The following RHOBTB1 variants were observed in gnomAD, a reference collection of about 807,000 sequenced individuals.
RHOBTB1 encodes the protein Rho related BTB domain containing 1.
In RHOBTB1, 40 loss-of-function variants were observed where a neutral mutation model predicts 71.6. The ratio of observed to expected loss-of-function variants is 0.56; its 90% confidence interval spans 0.43 to 0.73. The LOEUF (loss-of-function observed/expected upper bound fraction) is 0.73, where lower values mean the gene tolerates loss of function less well. RHOBTB1 is among the 30% of genes least tolerant of loss of function. RHOBTB1 has a pLI of 0.00. For synonymous variants in RHOBTB1, 319 were observed against 334.9 expected (o/e 0.95, Z 0.52); for missense variants, 797 against 894.0 (o/e 0.89, Z 1.38).
intron 2 of RHOBTB1, among the ~76,000 whole-genome samples, chr10:60,968,369 A>G (rs1357114433): frequency 6.6e-6 from 1 of 152,158 alleles, no homozygotes; most frequent in African/African-American, 2.4e-5. Context: ...TTCCAGACAT[A>G]TGTAATTCCT....
At position 60,888,564 on chromosome 10, in the gene RHOBTB1, T is replaced by C; in HGVS notation, c.1104A>G (p.Thr368=). The C allele has an allele frequency of 2.5e-6, 4 of 1,614,204 alleles. No homozygotes were observed. Among genetic ancestry groups the C allele is most frequent in the Non-Finnish European group, 3.4e-6 (4 of 1,180,036 alleles). ...GLEAEGAVPE[T]QTLTGWSKGF... Reference sequence around the variant, plus strand: ...CCTTACTCCATCCGGTCAAAGTCTGTGTCTCAGGAACTGCACCCTCGGCTT... The same window carrying C: ...CCTTACTCCATCCGGTCAAAGTCTGCGTCTCAGGAACTGCACCCTCGGCTT... The change falls in exon 6 of 11, where the codon ACA becomes ACG. Residue 368 remains threonine, a synonymous_variant. Coordinates refer to ENST00000337910, the MANE Select transcript of RHOBTB1 (RefSeq NM_014836.5).
chr10:60,922,220 C>T (rs945444531), intron 2 of RHOBTB1, among the ~76,000 whole-genome samples: 1 of 152,136 alleles, frequency 6.6e-6, no homozygotes, highest in Admixed American at 6.5e-5. Context: ...GGGAGGCACA[C>T]GTACCCATTA....
At chr10:60,903,234 T>G (rs2082494950) in intron 4 of RHOBTB1, among the ~76,000 whole-genome samples, 1 of 152,136 alleles carries the variant, frequency 6.6e-6, no homozygotes, top group South Asian at 2.1e-4. Context: ...ACATAATGCA[T>G]GTTTGTGGGC....
At chr10:60,968,170 A>T (rs1278320243) in intron 2 of RHOBTB1, among the ~76,000 whole-genome samples, 1 of 152,112 alleles carries the variant, frequency 6.6e-6, no homozygotes, top group Non-Finnish European at 1.5e-5. Context: ...CTGCACCTCT[A>T]CAGGAAAACT....
intron 1 of RHOBTB1, among the ~76,000 whole-genome samples, chr10:60,996,552 C>T (rs1294911816): frequency 3.3e-5 from 5 of 152,078 alleles, no homozygotes; most frequent in Non-Finnish European, 7.4e-5. Context: ...CTGATGTCCC[C>T]GAGAGCTTCG....
chr10:60,965,358 C>G (rs1002640752), intron 2 of RHOBTB1, among the ~76,000 whole-genome samples: 3 of 151,784 alleles, frequency 2.0e-5, no homozygotes, highest in Non-Finnish European at 2.9e-5. Context: ...TCATAATAGT[C>G]CTTTAAGTGG....
chr10:60,880,525 G>C (rs551095373), intron 7 of RHOBTB1, among the ~76,000 whole-genome samples: 8 of 152,050 alleles, frequency 5.3e-5, no homozygotes, highest in African/African-American at 1.4e-4. Flanking sequence ...TTTCAGACAT[G>C]GTTGGTGAAA....
intron 2 of RHOBTB1, among the ~76,000 whole-genome samples, chr10:60,935,751 C>G (rs1456101086): frequency 6.6e-6 from 1 of 152,124 alleles, no homozygotes; most frequent in East Asian, 1.9e-4. Context: ...ATAATAAGTA[C>G]TCAAAATGCA....
chr10:60,975,710 G>A (rs1357770701), intron 2 of RHOBTB1, among the ~76,000 whole-genome samples: 2 of 151,982 alleles, frequency 1.3e-5, no homozygotes, highest in Non-Finnish European at 2.9e-5. Flanking sequence ...GGAACAAAAT[G>A]GTTTTTCAGT....
chr10:60,988,876 C>T (rs1322417720), intron 1 of RHOBTB1, among the ~76,000 whole-genome samples: 1 of 152,088 alleles, frequency 6.6e-6, no homozygotes, highest in Non-Finnish European at 1.5e-5. Context: ...TTAATTGTAC[C>T]CTTCCTATGA....
chr10:60,897,482 T>C (rs2082214659), intron 4 of RHOBTB1, among the ~76,000 whole-genome samples: 1 of 152,224 alleles, frequency 6.6e-6, no homozygotes, highest in African/African-American at 2.4e-5. Context: ...TGGGTTTTCT[T>C]ACCTGGTTAA....
chr10:60,876,659 T>G (rs1005548352), intron 8 of RHOBTB1, among the ~76,000 whole-genome samples: 1 of 152,162 alleles, frequency 6.6e-6, no homozygotes, highest in Admixed American at 6.5e-5. Flanking sequence ...AGTGAGTATT[T>G]TAAAAAACTA....
intron 2 of RHOBTB1, 118 bp downstream of exon 2, chr10:60,941,686 G>T (rs549142762): frequency 1.3e-5 from 2 of 152,200 alleles, no homozygotes; most frequent in East Asian, 3.9e-4. Context: ...CCATAAAAAA[G>T]TCAAAGACAA....
At chr10:60,920,137 C>A (rs1050838431) in intron 2 of RHOBTB1, among the ~76,000 whole-genome samples, 2 of 150,708 alleles carry the variant, frequency 1.3e-5, no homozygotes, top group African/African-American at 5.0e-5. Context: ...CCTTAACTCA[C>A]CTGCTGAAAT....
At chr10:60,909,255 C>T (rs1046212430) in intron 4 of RHOBTB1, among the ~76,000 whole-genome samples, 4 of 152,194 alleles carry the variant, frequency 2.6e-5, no homozygotes, top group African/African-American at 7.2e-5. Context: ...ACCAGCTTTA[C>T]GCTGAGGGGT....
intron 4 of RHOBTB1, 69 bp downstream of exon 4, chr10:60,910,817 TA>T: frequency 1.7e-6 from 2 of 1,160,136 alleles, no homozygotes; most frequent in Non-Finnish European, 2.6e-6. Context: ...TGTTGATTTG[TA>T]AACCCGCTGC....
intron 2 of RHOBTB1, among the ~76,000 whole-genome samples, chr10:60,919,684 T>C (rs924898907): frequency 1.3e-5 from 2 of 152,216 alleles, no homozygotes; most frequent in Non-Finnish European, 2.9e-5. Context: ...GGATGCTGCA[T>C]AGAAGTCTAT....
At position 60,997,636 on chromosome 10, in the gene RHOBTB1, T is replaced by C. The variant is rs184543019; in HGVS notation, c.-163+3763A>G. Among the ~76,000 whole-genome samples the C allele has an allele frequency of 1.4e-4, 22 of 152,310 alleles. No homozygotes were observed. In the East Asian group the frequency reaches 4.1e-3, roughly 28 times the overall value. ...ATGCTCAGCCCTGTAAATTTTCTAT[T>C]TGGACTGTCCAAGCATTTAAATAGA... On this transcript the variant is annotated intron_variant, in intron 1 of 11. Coordinates refer to the RHOBTB1 transcript ENST00000357917.
intron 8 of RHOBTB1, among the ~76,000 whole-genome samples, chr10:60,877,639 C>T (rs942847362): frequency 2.0e-5 from 3 of 152,140 alleles, no homozygotes; most frequent in East Asian, 1.9e-4. Flanking sequence ...ATGCATACAG[C>T]GTGTGCCTCA....
Sources: allele counts gnomAD v4.1 joint callset (sites outside exome capture counted in the v4.1 genomes callset), GRCh38; gene constraint gnomAD v4.1.1; transcripts MANE v1.5; gene names NCBI Gene and HGNC (gene_info 2026-07-23, HGNC 2026-07-21).